Variants in GLP2R observed in about 807,000 individuals in gnomAD.
GLP2R encodes glucagon like peptide 2 receptor, also known as glucagon-like peptide 2 receptor.
In GLP2R, 59 loss-of-function variants were observed where a neutral mutation model predicts 68.2. The ratio of observed to expected loss-of-function variants is 0.87; its 90% CI spans 0.70 to 1.07. The LOEUF is 1.07. Ranked by LOEUF, GLP2R falls within the 50% of genes least tolerant of loss-of-function variation. GLP2R has a pLI of 0.00. For synonymous variants in GLP2R, 270 were observed against 265.4 expected, an observed-to-expected ratio of 1.02 and a Z score of -0.17; for missense variants, 548 against 677.4, an observed-to-expected ratio of 0.81 and a Z score of 2.12.
chr17:9,848,779 A>T (rs1430088289), intron 4 of GLP2R, among the ~76,000 whole-genome samples: 1 of 151,968 alleles, frequency 6.6e-6, no homozygotes, highest in East Asian at 1.9e-4. Flanking sequence ...TGCCCTTCAG[A>T]GTTTTGGCAA....
At chr17:9,883,376 C>T (rs895750216) in intron 11 of GLP2R, among the ~76,000 whole-genome samples, 3 of 144,162 alleles carry the variant, frequency 2.1e-5, no homozygotes, top group Admixed American at 1.4e-4. Flanking sequence ...TGCCATCAAG[C>T]ATACTAACAT....
chr17:9,868,737 G>A (rs1484672529), intron 9 of GLP2R, among the ~76,000 whole-genome samples: 1 of 152,172 alleles, frequency 6.6e-6, no homozygotes, highest in East Asian at 1.9e-4. Context: ...ATTTTCTCAT[G>A]TCTGGTCTCT....
chr17:9,878,948 T>C (rs1472389316), intron 10 of GLP2R, among the ~76,000 whole-genome samples: 1 of 152,086 alleles, frequency 6.6e-6, no homozygotes, highest in African/African-American at 2.4e-5. Flanking sequence ...AAAAAAATCA[T>C]TACAATTACG....
rs1597388343 is a variant in GLP2R at position 9,854,425 on chromosome 17, G to C, written c.505-70G>C. 4 of 903,932 alleles carry C rather than the reference G, an allele frequency of 4.4e-6. No homozygotes were observed. In the East Asian group the frequency reaches 9.6e-5, roughly 22 times the overall value. 56.0% of individuals were successfully genotyped at this position (903,932 alleles called of 1,614,324 possible). ...ATGCCTAGGCCCTTGGTGGCCCTGG[G>C]TGTGGAGCTGGGGGTTGTGGCCATA... On this transcript the variant is annotated intron_variant, in intron 4 of 12. Coordinates refer to ENST00000262441, the MANE Select transcript of GLP2R (RefSeq NM_004246.3).
At chr17:9,872,071 G>T (rs879943499) in intron 10 of GLP2R, among the ~76,000 whole-genome samples, 1 of 152,156 alleles carries the variant, frequency 6.6e-6, no homozygotes, top group African/African-American at 2.4e-5. Context: ...GCTCTGGAAC[G>T]GGAGTGTTTT....
intron 9 of GLP2R, among the ~76,000 whole-genome samples, chr17:9,869,318 A>T (rs2067069817): frequency 6.6e-6 from 1 of 152,208 alleles, no homozygotes; most frequent in Admixed American, 6.5e-5. Context: ...GCGTGCTTAA[A>T]ATCTATCACT....
chr17:9,856,578 A>G (rs953418530), intron 5 of GLP2R, among the ~76,000 whole-genome samples: 16 of 152,186 alleles, frequency 1.1e-4, no homozygotes, highest in African/African-American at 3.9e-4. Context: ...AGGTGATGAG[A>G]GCTAACATTT....
chr17:9,854,591 T>C lies in GLP2R; in HGVS notation c.601T>C (p.Leu201=). ...ISLFLALTLL[L]FLRKLHCTRN... is the part of the protein sequence containing the mutation. ...CCTCTTCCTGGCTCTCACCCTCCTC[T>C]TGTTTCTTCGGTGAGTAGAACTTCT... is the stretch of plus-strand genomic sequence containing the variant. Residue 201 remains leucine, a synonymous_variant, in exon 5 of 13, where the codon TTG becomes CTG. Coordinates refer to ENST00000262441, the MANE Select transcript of GLP2R (RefSeq NM_004246.3). 1 of 1,591,126 alleles carries C rather than the reference T, an allele frequency of 6.3e-7. No individual in the cohort carries two copies. The highest frequency in any genetic ancestry group is 8.6e-7 in the Non-Finnish European group (1 of 1,159,022).
chr17:9,840,334 C>T (rs564045172), intron 3 of GLP2R, among the ~76,000 whole-genome samples: 3 of 152,300 alleles, frequency 2.0e-5, no homozygotes, highest in South Asian at 2.1e-4. Context: ...TCGTTTACGG[C>T]GATTTTTCTT....
At position 9,890,008 on chromosome 17, in the gene GLP2R, A is replaced by C; in HGVS notation, c.*303A>C. Reference sequence around the variant, plus strand: ...GCCAATGAAGTCCCACCATGAAGAGAGGTCTCCTGTTATAGAGAAGCCAGC... The same window carrying C: ...GCCAATGAAGTCCCACCATGAAGAGCGGTCTCCTGTTATAGAGAAGCCAGC... On this transcript the variant is annotated 3_prime_UTR_variant, in exon 13 of 13. Transcript: ENST00000262441. 1 of 503,978 alleles carries C rather than the reference A, an allele frequency of 2.0e-6. No individual in the cohort carries two copies. Among genetic ancestry groups the C allele is most frequent in the Non-Finnish European group, 3.9e-6 (1 of 258,592 alleles). The allele number at this position is 503,978 out of a possible 1,614,324, so 31.2% of individuals were successfully genotyped here. A position where few individuals can be genotyped will look rare whatever the true frequency, so the allele number is the denominator to read the frequency against.
chr17:9,843,396 C>T (rs1391893027), intron 4 of GLP2R, among the ~76,000 whole-genome samples: 1 of 152,174 alleles, frequency 6.6e-6, no homozygotes, highest in Admixed American at 6.5e-5. Context: ...ATTCATGCCA[C>T]AGGGATCATA....
At chr17:9,869,945 T>G (rs1304213408) in intron 9 of GLP2R, among the ~76,000 whole-genome samples, 1 of 152,156 alleles carries the variant, frequency 6.6e-6, no homozygotes, top group Non-Finnish European at 1.5e-5. Context: ...ATTTTTAAAT[T>G]TCTTTAAAGG....
chr17:9,855,992 G>A (rs2066931190), intron 5 of GLP2R, among the ~76,000 whole-genome samples: 1 of 152,194 alleles, frequency 6.6e-6, no homozygotes, highest in Non-Finnish European at 1.5e-5. Context: ...TTTGACATAG[G>A]TGTGGGAGAC....
At position 9,836,437 on chromosome 17, in the gene GLP2R, C is replaced by T. The variant is rs1337752892; in HGVS notation, c.344C>T (p.Ser115Phe). 6.2e-6 allele frequency: 10 copies of T among 1,611,160 alleles called. No homozygotes were observed. The highest frequency in any genetic ancestry group is 8.5e-6 in the Non-Finnish European group (10 of 1,177,326). The change falls in exon 3 of 13, where the codon TCT (serine) becomes TTT (phenylalanine). Residue 115 changes from serine to phenylalanine, a missense_variant. By Grantham distance (155) the Ser-to-Phe change is radical. Transcript: ENST00000262441. ...CWPHSSPGNVSVPCPSYLPWW... is the reference protein window; with the variant it reads ...CWPHSSPGNVFVPCPSYLPWW... ...CCTCATTCTTCTCCTGGAAATGTCT[C>T]TGTACCCTGCCCTTCATACTTACCT...
chr17:9,835,252 C>T (rs773189139), intron 2 of GLP2R, among the ~76,000 whole-genome samples: 1 of 152,186 alleles, frequency 6.6e-6, no homozygotes, highest in South Asian at 2.1e-4. Context: ...TGGTCTCGAT[C>T]CCCTGACCTC....
At chr17:9,850,858 T>C (rs1300895919) in intron 4 of GLP2R, among the ~76,000 whole-genome samples, 3 of 152,102 alleles carry the variant, frequency 2.0e-5, no homozygotes, top group Non-Finnish European at 2.9e-5. Flanking sequence ...CATGCCCAGC[T>C]AATTTTTGTA....
intron 10 of GLP2R, among the ~76,000 whole-genome samples, chr17:9,877,375 T>C (rs1407225044): frequency 6.6e-6 from 1 of 152,142 alleles, no homozygotes; most frequent in Non-Finnish European, 1.5e-5. Flanking sequence ...GGGTAGACAA[T>C]CCCTTCATGT....
At chr17:9,848,347 G>A (rs1359363761) in intron 4 of GLP2R, among the ~76,000 whole-genome samples, 1 of 152,162 alleles carries the variant, frequency 6.6e-6, no homozygotes, top group Non-Finnish European at 1.5e-5. Context: ...GTACTGAGGT[G>A]CACAGTGGCC....
At chr17:9,829,569 T>A (rs562492766) in intron 1 of GLP2R, among the ~76,000 whole-genome samples, 7 of 152,316 alleles carry the variant, frequency 4.6e-5, no homozygotes, top group Non-Finnish European at 8.8e-5. Flanking sequence ...TCATAGAATG[T>A]TATGTAGCTG....
Sources: gnomAD v4.1 joint callset for allele counts (sites outside exome capture counted in the v4.1 genomes callset) on GRCh38, gnomAD v4.1.1 for gene constraint, MANE v1.5 for transcripts, NCBI Gene and HGNC (gene_info 2026-07-23, HGNC 2026-07-21) for gene names.